Variants in CCL25 observed in about 807,000 individuals in gnomAD.
The protein encoded by CCL25 is C-C motif chemokine ligand 25.
Under a neutral mutation model 19.9 loss-of-function variants are expected in CCL25, and 14 were observed. The ratio of observed to expected loss-of-function variants is 0.70; its 90% CI spans 0.47 to 1.10. The LOEUF (loss-of-function observed/expected upper bound fraction) is 1.10, where lower values mean the gene tolerates loss of function less well. Among genes scored for constraint, CCL25 ranks in the 50% least tolerant of loss-of-function variants. CCL25 has a pLI of 0.00. For missense variants in CCL25, 151 were observed against 181.2 expected, an observed-to-expected ratio of 0.83 and a Z score of 0.96; for synonymous variants, 68 against 73.2, an observed-to-expected ratio of 0.93 and a Z score of 0.36.
At chr19:8,054,428 T>A (rs1014305280) in intron 2 of CCL25, among the ~76,000 whole-genome samples, 3 of 152,198 alleles carry the variant, frequency 2.0e-5, no homozygotes, top group Admixed American at 2.0e-4. Flanking sequence ...AGGCCGCGGT[T>A]GGGAGACACC....
chr19:8,060,500 G>A (rs2145299085), intron 5 of CCL25, among the ~76,000 whole-genome samples: 1 of 152,186 alleles, frequency 6.6e-6, no homozygotes, highest in East Asian at 1.9e-4. Context: ...ATGGTCACAA[G>A]ACCCTGAACC....
rs558819264 is a variant in CCL25 at position 8,061,692 on chromosome 19, G to A, written c.446-526G>A. Among the ~76,000 whole-genome samples the A allele has an allele frequency of 1.4e-4, 21 of 151,978 alleles. No homozygotes were observed. The East Asian group carries it at 2.7e-3, about 20-fold the overall frequency. ...CTCTGTGTCAGAAACAGAATTCAAA[G>A]ACCAAATATTAGCACAAAAGGCCAG... On this transcript the variant is annotated intron_variant, in intron 5 of 5. Transcript: ENST00000315626.
chr19:8,056,739 G>A (rs961097033), intron 4 of CCL25, among the ~76,000 whole-genome samples: 1 of 152,240 alleles, frequency 6.6e-6, no homozygotes, highest in Admixed American at 6.5e-5. Context: ...GAGTGCAGTA[G>A]CATGATCATA....
At chr19:8,054,777 C>T (rs963843152) in intron 2 of CCL25, among the ~76,000 whole-genome samples, 5 of 151,670 alleles carry the variant, frequency 3.3e-5, no homozygotes, top group African/African-American at 1.2e-4. Flanking sequence ...TGTTTCATCT[C>T]TGCTTGTCTA....
At chr19:8,054,262 C>A (rs1167875614) in intron 2 of CCL25, among the ~76,000 whole-genome samples, 1 of 152,234 alleles carries the variant, frequency 6.6e-6, no homozygotes, top group Non-Finnish European at 1.5e-5. Flanking sequence ...AAGTCCTTGG[C>A]CTTTGCCTGG....
At chr19:8,058,803 C>T (rs1206001115) in intron 5 of CCL25, among the ~76,000 whole-genome samples, 7 of 139,772 alleles carry the variant, frequency 5.0e-5, no homozygotes, top group East Asian at 4.0e-4. Flanking sequence ...GGACTACAGG[C>T]GCCCGCCACC....
intron 4 of CCL25, 65 bp from the exon 5 acceptor site, chr19:8,057,736 G>C (rs34168156): frequency 0.032 from 48,643 of 1,530,478 alleles, 907 homozygotes; most frequent in South Asian, 0.036. Flanking sequence ...TTCAGGCTCA[G>C]CTGGATCCAG....
chr19:8,061,607 A>C (rs951068839), intron 5 of CCL25, among the ~76,000 whole-genome samples: 2 of 152,184 alleles, frequency 1.3e-5, no homozygotes, highest in Non-Finnish European at 2.9e-5. Context: ...GCCAACCAAG[A>C]GTCACCTCAT....
At position 8,053,090 on chromosome 19, in the gene CCL25, T is replaced by C; in HGVS notation, c.41T>C (p.Leu14Pro). ...CTGGCCTGCCTGGTGGCCGGCTTCC[T>C]GGGAGCCTGGGCCCCCGCTGTCCAC... is the stretch of plus-strand genomic sequence containing the variant. ...WLLACLVAGF[L>P]GAWAPAVHTQ... The change falls in exon 2 of 6, where the codon CTG (leucine) becomes CCG (proline). Residue 14 changes from leucine (L) to proline (P), a missense_variant. Transcript: ENST00000315626. 1 of 1,556,630 alleles carries C rather than the reference T, an allele frequency of 6.4e-7. No homozygotes were observed. Among genetic ancestry groups the C allele is most frequent in the Non-Finnish European group, 8.7e-7 (1 of 1,149,934 alleles).
chr19:8,057,666 G>C, intron 4 of CCL25, 135 bp from the exon 5 acceptor site: 1 of 1,352,780 alleles, frequency 7.4e-7, no homozygotes, highest in Non-Finnish European at 9.8e-7. Flanking sequence ...CTTTCCACTG[G>C]TACAGATGGA....
chr19:8,058,599 A>G (rs1222712233), intron 5 of CCL25, among the ~76,000 whole-genome samples: 1 of 130,312 alleles, frequency 7.7e-6, no homozygotes, highest in Non-Finnish European at 1.6e-5. Context: ...ATATATAAAT[A>G]ATATATAATA....
At chr19:8,059,168 AT>A (rs1568336104) in intron 5 of CCL25, among the ~76,000 whole-genome samples, 6 of 75,646 alleles carry the variant, frequency 7.9e-5, no homozygotes, top group East Asian at 8.0e-4. Context: ...ATAATATATA[AT>A]ATATATAATA....
intron 5 of CCL25, among the ~76,000 whole-genome samples, chr19:8,059,103 T>A (rs1205142711): frequency 1.0e-3 from 78 of 76,332 alleles, no homozygotes; most frequent in Non-Finnish European, 1.9e-3. Context: ...AATGTATATA[T>A]TTATATATAA....
intron 5 of CCL25, among the ~76,000 whole-genome samples, chr19:8,061,511 T>A (rs2081317877): frequency 6.6e-6 from 1 of 152,166 alleles, no homozygotes; most frequent in African/African-American, 2.4e-5. Flanking sequence ...TTGCCAACCT[T>A]CTTCCCCTTC....
At chr19:8,052,846 CTG>C in intron 1 of CCL25, 24 bp downstream of exon 1, 2 of 528,194 alleles carry the variant, frequency 3.8e-6, no homozygotes, top group South Asian at 5.8e-5. Context: ...TTGAACATGA[CTG>C]AGATGAACAG....
intron 5 of CCL25, among the ~76,000 whole-genome samples, chr19:8,060,837 C>T (rs955049361): frequency 7.2e-5 from 11 of 151,816 alleles, no homozygotes; most frequent in African/African-American, 2.4e-4. Context: ...CCCGCCACCA[C>T]GCCTGGCTAA....
rs149534349 is a variant in CCL25 at position 8,059,273 on chromosome 19, A to G, written c.445+1353A>G. ...GAGTGCAGTGGTGCCATCTCGGCTC[A>G]CTGCAACCTCCGCCTCCAGGGTTCA... On this transcript the variant is annotated intron_variant, in intron 5 of 5. Transcript: ENST00000315626. 2.9e-3 allele frequency among the ~76,000 whole-genome samples: 421 copies of G among 147,432 alleles called. 4 individuals carry two copies. The highest frequency in any genetic ancestry group is 0.01 in the African/African-American group (407 of 39,796).
chr19:8,059,730 G>A (rs1397232886), intron 5 of CCL25, among the ~76,000 whole-genome samples: 2 of 152,094 alleles, frequency 1.3e-5, no homozygotes, highest in East Asian at 3.9e-4. Flanking sequence ...GATTACAAAG[G>A]GGCTGGGCAT....
rs1015951899 is a variant in CCL25 at position 8,057,899 on chromosome 19, C to T, written c.424C>T (p.Leu142Phe). Residue 142 changes from leucine to phenylalanine, a missense_variant, in exon 5 of 6, where the codon CTC (leucine) becomes TTC (phenylalanine). Coordinates refer to ENST00000315626, the MANE Select transcript of CCL25 (RefSeq NM_005624.4). ...CAGCAGCAGTAAGAGGAATGTCTCCCTCCTGATATCAGCTAATTCAGGTAA... is the reference window on the plus strand; with the variant it reads ...CAGCAGCAGTAAGAGGAATGTCTCCTTCCTGATATCAGCTAATTCAGGTAA... ...PISSSKRNVSLLISANSGL is the reference protein window; with the variant it reads ...PISSSKRNVSFLISANSGL The T allele has an allele frequency of 3.9e-5, 63 of 1,612,814 alleles. No homozygotes were observed. The highest frequency in any genetic ancestry group is 4.8e-5 in the Non-Finnish European group (57 of 1,179,094).
Sources: gnomAD v4.1 joint callset for allele counts (sites outside exome capture counted in the v4.1 genomes callset) on GRCh38, gnomAD v4.1.1 for gene constraint, MANE v1.5 for transcripts, NCBI Gene and HGNC (gene_info 2026-07-23, HGNC 2026-07-21) for gene names.